AGAP1: variants seen among roughly 807,000 people sequenced by gnomAD.
The protein encoded by AGAP1 is arf-GAP with GTPase, ANK repeat and PH domain-containing protein 1.
A neutral mutation model predicts 105.3 loss-of-function variants in AGAP1; 29 were observed. The ratio of observed to expected loss-of-function variants is 0.28; its 90% CI spans 0.21 to 0.38. AGAP1 has a LOEUF of 0.38. Among genes scored for constraint, AGAP1 ranks in the 10% least tolerant of loss-of-function variants. AGAP1 has a pLI of 1.00. For synonymous variants in AGAP1, 509 were observed against 485.9 expected (o/e 1.05, Z -0.63); for missense variants, 998 against 1,165.1 (o/e 0.86, Z 2.09).
intron 1 of AGAP1, among the ~76,000 whole-genome samples, chr2:235,595,543 G>A (rs1239940548): frequency 6.6e-6 from 1 of 152,198 alleles, no homozygotes; most frequent in Non-Finnish European, 1.5e-5. Flanking sequence ...GCAGTACTAG[G>A]TGGATTTGTC....
In AGAP1 at chr2:235,652,973, C is replaced by T. The variant is rs1009572427; in HGVS notation, c.164-56206C>T. Among the ~76,000 whole-genome samples, 4 of 151,760 alleles carry T rather than the reference C, an allele frequency of 2.6e-5. No homozygotes were observed. In the South Asian group the frequency reaches 6.2e-4, roughly 24 times the overall value. ...TGGGGGACAGAGCCAGACTCTGTCTCGAAAAACAAGAACGATACCAGTAGG... is the reference window on the plus strand; with the variant it reads ...TGGGGGACAGAGCCAGACTCTGTCTTGAAAAACAAGAACGATACCAGTAGG... On this transcript the variant is annotated intron_variant, in intron 1 of 17. Coordinates refer to ENST00000304032, the MANE Select transcript of AGAP1 (RefSeq NM_001037131.3).
Position 235,905,510 on chromosome 2 carries a change from T to A in AGAP1, c.1156-3228T>A, listed in dbSNP as rs2051261998. On this transcript the variant is annotated intron_variant, in intron 10 of 17. Transcript: ENST00000304032. This position sits in a 1 kb window ranked among gnomAD's most constrained non-coding sequence, Gnocchi z 4.2. ...TTTTCCTTTCTTTTCTCTTTTCTTT[T>A]CTTTTTGAGACAGAGTTTCCCTCTT... Among the ~76,000 whole-genome samples the A allele has an allele frequency of 6.6e-6, 1 of 152,224 alleles. No homozygotes were observed. The highest frequency in any genetic ancestry group is 6.5e-5 in the Admixed American group (1 of 15,290).
chr2:235,683,180 A>C (rs149015374), intron 1 of AGAP1, among the ~76,000 whole-genome samples: 1,927 of 151,582 alleles, frequency 0.013, 43 homozygotes, highest in African/African-American at 0.043. Context: ...GGTGGCACAC[A>C]CTTGTAATCC....
chr2:235,551,321 T>C lies in AGAP1; in HGVS notation c.163+56472T>C, dbSNP rs1316189774. On this transcript the variant is annotated intron_variant, in intron 1 of 17. Coordinates refer to ENST00000304032, the MANE Select transcript of AGAP1 (RefSeq NM_001037131.3). This position sits in a 1 kb window ranked among gnomAD's most constrained non-coding sequence, Gnocchi z 4.8. ...AGAGGGGCTAGACAGATTTTTTTTT[T>C]TGAGACAAGGTCTCACTCTGTCACT... 1.3e-5 allele frequency among the ~76,000 whole-genome samples: 2 copies of C among 152,122 alleles called. No homozygotes were observed.
intron 1 of AGAP1, among the ~76,000 whole-genome samples, chr2:235,676,062 A>G (rs1948718955): frequency 6.6e-6 from 1 of 152,214 alleles, no homozygotes; most frequent in African/African-American, 2.4e-5. Context: ...ACAAACATAT[A>G]TTGCATGTTT....
chr2:235,780,641 C>T (rs1357172986), intron 6 of AGAP1, among the ~76,000 whole-genome samples: 2 of 152,100 alleles, frequency 1.3e-5, no homozygotes, highest in Non-Finnish European at 2.9e-5. Flanking sequence ...ATTTATAGTC[C>T]TTGGTGATTG....
chr2:235,955,831 A>G (rs748912758), intron 12 of AGAP1, among the ~76,000 whole-genome samples: 17 of 152,072 alleles, frequency 1.1e-4, no homozygotes, highest in Admixed American at 1.3e-4. Context: ...CTGTACCTTG[A>G]GCGGAGTGAA....
chr2:235,666,060 A>T (rs1257278347), intron 1 of AGAP1, among the ~76,000 whole-genome samples: 1 of 152,186 alleles, frequency 6.6e-6, no homozygotes, highest in Non-Finnish European at 1.5e-5. Flanking sequence ...CCAGCTGCTG[A>T]GGGTGATGAA....
intron 1 of AGAP1, among the ~76,000 whole-genome samples, chr2:235,579,292 G>A (rs921100031): frequency 6.6e-6 from 1 of 152,178 alleles, no homozygotes; most frequent in African/African-American, 2.4e-5. Flanking sequence ...CCTTCCTGGT[G>A]TGACGTAACC....
intron 9 of AGAP1, among the ~76,000 whole-genome samples, chr2:235,839,122 C>A (rs1007889152): frequency 6.6e-6 from 1 of 152,198 alleles, no homozygotes; most frequent in Admixed American, 6.5e-5. Flanking sequence ...ACTGCTCTCC[C>A]CAGGGGCCTG....
At chr2:235,554,816 C>G (rs1272524018) in intron 1 of AGAP1, among the ~76,000 whole-genome samples, 1 of 152,106 alleles carries the variant, frequency 6.6e-6, no homozygotes, top group African/African-American at 2.4e-5. Flanking sequence ...ATTACAGGCG[C>G]CTGCCACCAT....
At position 235,787,832 on chromosome 2, in the gene AGAP1, G is replaced by A. The variant is rs2149987385; in HGVS notation, c.674-9927G>A. On this transcript the variant is annotated intron_variant, in intron 6 of 17. Coordinates refer to ENST00000304032, the MANE Select transcript of AGAP1 (RefSeq NM_001037131.3). This position sits in a 1 kb window ranked among gnomAD's most constrained non-coding sequence, Gnocchi z 4.4. ...CTGAAGAGCATTCTGGGATCAAGAAGATGACCAAGTACATTGTGGGACCAA... is the reference window on the plus strand; with the variant it reads ...CTGAAGAGCATTCTGGGATCAAGAAAATGACCAAGTACATTGTGGGACCAA... Among the ~76,000 whole-genome samples, 1 of 152,206 alleles carries A rather than the reference G, an allele frequency of 6.6e-6. No individual in the cohort carries two copies. Among genetic ancestry groups the A allele is most frequent in the Middle Eastern group, 3.4e-3 (1 of 294 alleles).
At chr2:235,673,055 T>C (rs1325311992) in intron 1 of AGAP1, among the ~76,000 whole-genome samples, 1 of 152,222 alleles carries the variant, frequency 6.6e-6, no homozygotes. Context: ...CCTCACTTTT[T>C]TCTGAAGTTC....
At chr2:235,497,022 A>G (rs1305766771) in intron 1 of AGAP1, among the ~76,000 whole-genome samples, 1 of 152,196 alleles carries the variant, frequency 6.6e-6, no homozygotes, top group African/African-American at 2.4e-5. Flanking sequence ...TGTTCTTTGC[A>G]TGTTCTTCTG....
chr2:235,682,457 C>G (rs1949129763), intron 1 of AGAP1, among the ~76,000 whole-genome samples: 1 of 152,102 alleles, frequency 6.6e-6, no homozygotes, highest in African/African-American at 2.4e-5. Context: ...ATTCTCCTGC[C>G]TCAGCCTCTC....
chr2:235,956,067 C>T (rs1001808039), intron 12 of AGAP1, among the ~76,000 whole-genome samples: 17 of 152,306 alleles, frequency 1.1e-4, no homozygotes, highest in Non-Finnish European at 1.9e-4. Context: ...TTCTGCAAGA[C>T]GCATTCAGTC....
In AGAP1 at chr2:235,530,182, C is replaced by T. The variant is rs78865168; in HGVS notation, c.163+35333C>T. 1.8e-3 allele frequency among the ~76,000 whole-genome samples: 271 copies of T among 152,262 alleles called. 5 individuals carry two copies. The East Asian group carries it at 0.047, about 27-fold the overall frequency. Reference sequence around the variant, plus strand: ...GCAGTTGGCCTCAAATGCAGGTTCACGAACTGACCAGAGCCAGCTGCTGCA... The same window carrying T: ...GCAGTTGGCCTCAAATGCAGGTTCATGAACTGACCAGAGCCAGCTGCTGCA... On this transcript the variant is annotated intron_variant, in intron 1 of 17. Transcript: ENST00000304032.
intron 9 of AGAP1, among the ~76,000 whole-genome samples, chr2:235,831,220 T>C (rs1235325539): frequency 6.6e-6 from 1 of 151,282 alleles, no homozygotes; most frequent in African/African-American, 2.4e-5. Context: ...CGTTCTTTTT[T>C]AGAGCAGTTT....
intron 16 of AGAP1, among the ~76,000 whole-genome samples, chr2:236,079,473 G>A (rs1388734902): frequency 1.3e-5 from 2 of 150,558 alleles, no homozygotes; most frequent in African/African-American, 4.9e-5. Flanking sequence ...ATTTAAGGCT[G>A]CAGTGAGCTG....
Sources: allele counts gnomAD v4.1 joint callset (sites outside exome capture counted in the v4.1 genomes callset), GRCh38; gene constraint gnomAD v4.1.1; non-coding constraint Gnocchi (gnomAD v3.1); transcripts MANE v1.5; gene names NCBI Gene and HGNC (gene_info 2026-07-23, HGNC 2026-07-21).